Variants in HERC2 observed in about 807,000 individuals in gnomAD.
The protein encoded by HERC2 is E3 ubiquitin-protein ligase HERC2.
HERC2 carries 102 observed loss-of-function variants against 537.7 expected under a neutral mutation model. The ratio of observed to expected loss-of-function variants is 0.19; its 90% CI spans 0.16 to 0.22. The LOEUF (loss-of-function observed/expected upper bound fraction) is 0.22, where lower values mean the gene tolerates loss of function less well. Among genes scored for constraint, HERC2 ranks in the 10% least tolerant of loss-of-function variants. The probability of loss-of-function intolerance (pLI) is 1.00; values close to 1 mark genes in which losing one functional copy is unlikely to be tolerated. For missense variants in HERC2, 4,236 were observed against 6,198.2 expected, an observed-to-expected ratio of 0.68 and a Z score of 10.63; for synonymous variants, 2,224 against 2,466.2, an observed-to-expected ratio of 0.90 and a Z score of 2.91.
At position 28,117,216 on chromosome 15, in the gene HERC2, G is replaced by C. The variant is rs781127436; in HGVS notation, c.13273-62C>G. The C allele has an allele frequency of 7.8e-6, 12 of 1,529,712 alleles. No individual in the cohort carries two copies. The South Asian group carries it at 1.3e-4, about 17-fold the overall frequency. The allele number at this position is 1,529,712 out of a possible 1,614,324, so 94.8% of individuals were successfully genotyped here. On this transcript the variant is annotated intron_variant, in intron 86 of 92. Coordinates refer to ENST00000261609, the MANE Select transcript of HERC2 (RefSeq NM_004667.6). ...CCGCAGCAGGAAGCACACAGTCGGG[G>C]ATATGCGGCACTGGCGAATGCACGA...
intron 11 of HERC2, 77 bp downstream of exon 11, chr15:28,269,171 C>T (rs1334332908): frequency 2.1e-5 from 24 of 1,166,734 alleles, no homozygotes; most frequent in Non-Finnish European, 2.8e-5. Context: ...CTTAAAGAAA[C>T]ACCAGAGCTT....
intron 20 of HERC2, among the ~76,000 whole-genome samples, chr15:28,253,812 A>C (rs2075163636): frequency 6.6e-6 from 1 of 150,514 alleles, no homozygotes; most frequent in African/African-American, 2.5e-5. Context: ...AAATACAAAA[A>C]TCAGCCAGGT....
chr15:28,295,748 T>C (rs1183765315), intron 3 of HERC2, among the ~76,000 whole-genome samples: 1 of 152,204 alleles, frequency 6.6e-6, no homozygotes, highest in Non-Finnish European at 1.5e-5. Flanking sequence ...AGAAAAACAG[T>C]ATTTTGTGAC....
At chr15:28,173,565 A>G (rs141546380) in intron 65 of HERC2, among the ~76,000 whole-genome samples, 5,714 of 152,040 alleles carry the variant, frequency 0.038, 332 homozygotes, top group African/African-American at 0.13. Flanking sequence ...TTGGGAGGCC[A>G]AGATGGGAGG....
intron 85 of HERC2, 87 bp from the exon 86 acceptor site, chr15:28,121,516 C>A: frequency 8.7e-7 from 1 of 1,152,522 alleles, no homozygotes; most frequent in Non-Finnish European, 1.3e-6. Flanking sequence ...TGTTTAAAAT[C>A]TGTGTTGAAG....
intron 12 of HERC2, among the ~76,000 whole-genome samples, chr15:28,266,769 AG>A (rs1448272007): frequency 6.6e-6 from 1 of 152,182 alleles, no homozygotes. Flanking sequence ...GGAGGTAGGA[AG>A]GGGGCATCAA....
chr15:28,311,118 G>T (rs944883925), intron 2 of HERC2, among the ~76,000 whole-genome samples: 10 of 142,826 alleles, frequency 7.0e-5, no homozygotes, highest in Admixed American at 6.3e-4. Flanking sequence ...ATTACCAAGG[G>T]TCCAAAAAAG....
At chr15:28,187,926 G>A (rs1159804286) in intron 55 of HERC2, among the ~76,000 whole-genome samples, 3 of 152,148 alleles carry the variant, frequency 2.0e-5, no homozygotes, top group Non-Finnish European at 4.4e-5. Context: ...TGTATTTCAT[G>A]TGAACGAAGA....
At chr15:28,187,415 C>T (rs573765746) in intron 55 of HERC2, among the ~76,000 whole-genome samples, 4 of 151,778 alleles carry the variant, frequency 2.6e-5, no homozygotes, top group African/African-American at 9.7e-5. Flanking sequence ...CATTGCAACC[C>T]CTGCCTCCCG....
intron 65 of HERC2, among the ~76,000 whole-genome samples, chr15:28,172,380 T>C (rs1327002097): frequency 6.6e-6 from 1 of 152,198 alleles, no homozygotes; most frequent in Non-Finnish European, 1.5e-5. Context: ...AGGTCTTTTA[T>C]AAAGCTGTGG....
intron 69 of HERC2, among the ~76,000 whole-genome samples, chr15:28,159,199 C>G (rs1030460809): frequency 1.3e-5 from 2 of 152,170 alleles, no homozygotes; most frequent in African/African-American, 2.4e-5. Flanking sequence ...TTTGGTGAAT[C>G]TGACAATTAT....
chr15:28,264,633 A>T (rs1368771725), intron 14 of HERC2, among the ~76,000 whole-genome samples: 1 of 152,216 alleles, frequency 6.6e-6, no homozygotes, highest in Non-Finnish European at 1.5e-5. Context: ...GCCCTACTCA[A>T]GGCAGTTTAC....
chr15:28,243,659 C>T (rs1386993285), intron 23 of HERC2, among the ~76,000 whole-genome samples: 2 of 152,090 alleles, frequency 1.3e-5, no homozygotes, highest in African/African-American at 4.8e-5. Flanking sequence ...CTAGAAAATG[C>T]TAATTGAAAC....
At position 28,271,045 on chromosome 15, in the gene HERC2, T is replaced by C. The variant is rs1189364280; in HGVS notation, c.1084-177A>G. On this transcript the variant is annotated intron_variant, in intron 9 of 92. Coordinates refer to ENST00000261609, the MANE Select transcript of HERC2 (RefSeq NM_004667.6). The stretch of plus-strand genomic sequence containing the variant: ...ATTTATGCAGCATATAAACTGACTG[T>C]GTAAATGTCTAAATTTGCTGTACAC... Among the ~76,000 whole-genome samples the C allele has an allele frequency of 3.3e-5, 5 of 152,364 alleles. No individual in the cohort carries two copies. The East Asian group carries it at 9.6e-4, about 29-fold the overall frequency.
At chr15:28,242,043 T>G (rs1903181128) in intron 23 of HERC2, among the ~76,000 whole-genome samples, 1 of 152,198 alleles carries the variant, frequency 6.6e-6, no homozygotes, top group East Asian at 1.9e-4. Context: ...CTTGAAGACA[T>G]GCTAAGTGAA....
chr15:28,245,566 TACACACACACACACACACACAC>T (rs200862998), intron 23 of HERC2, among the ~76,000 whole-genome samples: 2 of 119,254 alleles, frequency 1.7e-5, no homozygotes, highest in East Asian at 2.2e-4. Flanking sequence ...AAAAAATATA[TACACACACACACACACACACAC>T]ACACACACAC....
At position 28,245,868 on chromosome 15, in the gene HERC2, T is replaced by TA; in HGVS notation, c.3577+12dup. On this transcript the variant is annotated intron_variant, in intron 23 of 92. Coordinates refer to ENST00000261609, the MANE Select transcript of HERC2 (RefSeq NM_004667.6). ...AAAACTTTCCTCAGTAAAACTCCTT[T>TA]AAGACGCCGTACCCATTATGCCAGG... 6.2e-7 allele frequency: 1 copy of TA among 1,609,394 alleles called. No individual in the cohort carries two copies. Among genetic ancestry groups the TA allele is most frequent in the Non-Finnish European group, 8.5e-7 (1 of 1,177,816 alleles).
At chr15:28,193,493 C>G (rs1175913787) in intron 52 of HERC2, among the ~76,000 whole-genome samples, 1 of 152,064 alleles carries the variant, frequency 6.6e-6, no homozygotes, top group African/African-American at 2.4e-5. Context: ...TTAGGCCTAA[C>G]ACAAATGAAA....
chr15:28,121,195 C>T (rs1888845798), intron 86 of HERC2, 151 bp downstream of exon 86: 2 of 642,686 alleles, frequency 3.1e-6, no homozygotes, highest in Admixed American at 2.6e-5. Context: ...ACATCACATA[C>T]AGGAAGCCCA....
Sources: gnomAD v4.1 joint callset for allele counts (sites outside exome capture counted in the v4.1 genomes callset) on GRCh38, gnomAD v4.1.1 for gene constraint, MANE v1.5 for transcripts, NCBI Gene and HGNC (gene_info 2026-07-23, HGNC 2026-07-21) for gene names.